MSI2: variants seen among roughly 807,000 people sequenced by gnomAD.
MSI2 encodes RNA-binding protein Musashi homolog 2.
Under a neutral mutation model 45.6 loss-of-function variants are expected in MSI2, and 17 were observed. The observed-to-expected ratio is 0.37, with a 90% CI of 0.26 to 0.56. MSI2 has a LOEUF of 0.56. Among genes scored for constraint, MSI2 ranks in the 20% least tolerant of loss-of-function variants. MSI2 has a pLI of 0.77. For synonymous variants in MSI2, 156 were observed against 158.2 expected, an observed-to-expected ratio of 0.99 and a Z score of 0.11; for missense variants, 293 against 444.2, an observed-to-expected ratio of 0.66 and a Z score of 3.06.
chr17:57,689,172 G>T (rs1361311227), downstream of MSI2, among the ~76,000 whole-genome samples: 1 of 103,444 alleles, frequency 9.7e-6, no homozygotes, highest in Admixed American at 1.0e-4. Context: ...TGATATGTGG[G>T]TTTTCTCTTT....
intron 6 of MSI2, among the ~76,000 whole-genome samples, chr17:57,493,036 T>C (rs1304405789): frequency 1.3e-5 from 2 of 152,150 alleles, no homozygotes; most frequent in Non-Finnish European, 2.9e-5. Context: ...CTGTAAACTC[T>C]GTGGGTGCTG....
chr17:57,385,040 C>G (rs562624229), intron 5 of MSI2, among the ~76,000 whole-genome samples: 1 of 152,294 alleles, frequency 6.6e-6, no homozygotes, highest in African/African-American at 2.4e-5. Flanking sequence ...TCTCTTAAAT[C>G]TTTTCCCTCT....
chr17:57,290,365 A>G (rs979576887), intron 5 of MSI2, among the ~76,000 whole-genome samples: 1 of 152,190 alleles, frequency 6.6e-6, no homozygotes, highest in African/African-American at 2.4e-5. Context: ...GCTGGAGTGC[A>G]GTGGTGTGAT....
At position 57,570,524 on chromosome 17, in the gene MSI2, G is replaced by T. The variant is rs181523467; in HGVS notation, c.455-26344G>T. Among the ~76,000 whole-genome samples, 192 of 152,278 alleles carry T rather than the reference G, an allele frequency of 1.3e-3. 1 individual carries two copies. Among genetic ancestry groups the T allele is most frequent in the African/African-American group, 4.4e-3 (182 of 41,558 alleles). ...GGGTCTCTTCCAGCAGGTAAAAATG[G>T]ACAGTGCTGGAGACCCAAGTCGAAT... On this transcript the variant is annotated intron_variant, in intron 7 of 13. Transcript: ENST00000284073.
intron 6 of MSI2, among the ~76,000 whole-genome samples, chr17:57,513,475 G>T (rs142233262): frequency 5.3e-5 from 8 of 152,304 alleles, no homozygotes; most frequent in Non-Finnish European, 8.8e-5. Flanking sequence ...CTGGGACCTG[G>T]GTCTAGGTGC....
chr17:57,306,146 C>T (rs1447123016), intron 5 of MSI2, among the ~76,000 whole-genome samples: 2 of 151,906 alleles, frequency 1.3e-5, no homozygotes, highest in Non-Finnish European at 2.9e-5. Context: ...CAACTGGGAG[C>T]CTCTGGGGAC....
At chr17:57,442,139 C>T (rs191281689) in intron 6 of MSI2, among the ~76,000 whole-genome samples, 5 of 151,616 alleles carry the variant, frequency 3.3e-5, no homozygotes, top group East Asian at 2.0e-4. Context: ...CGGGTTCAAG[C>T]GATTCTCCTG....
intron 10 of MSI2, among the ~76,000 whole-genome samples, chr17:57,634,475 AGAG>A (rs1909685913): frequency 3.6e-5 from 5 of 138,040 alleles, no homozygotes; most frequent in Admixed American, 2.9e-4. Context: ...CAAAAAAAAA[AGAG>A]AGAGAGAGAA....
intron 7 of MSI2, among the ~76,000 whole-genome samples, chr17:57,533,532 T>C (rs2086864305): frequency 6.6e-6 from 1 of 152,224 alleles, no homozygotes; most frequent in Admixed American, 6.5e-5. Context: ...GTTTCTGGCC[T>C]TTAGCTTTTT....
At chr17:57,338,256 A>G (rs792406) in intron 5 of MSI2, among the ~76,000 whole-genome samples, 27,528 of 151,886 alleles carry the variant, frequency 0.18, 5,486 homozygotes, top group African/African-American at 0.49. Flanking sequence ...GCCCAGCTAA[A>G]TTTCTGTATT....
chr17:57,263,787 C>G (rs530912146), intron 5 of MSI2: 1 of 152,366 alleles, frequency 6.6e-6, no homozygotes, highest in East Asian at 1.9e-4. Flanking sequence ...GTTTCTCAAA[C>G]TTGTCAAAGT....
chr17:57,521,781 C>T (rs1320963633), intron 6 of MSI2, among the ~76,000 whole-genome samples: 2 of 152,176 alleles, frequency 1.3e-5, no homozygotes, highest in Non-Finnish European at 2.9e-5. Flanking sequence ...GGGCTGCCCA[C>T]TCCAGAGTAC....
intron 6 of MSI2, among the ~76,000 whole-genome samples, chr17:57,523,312 T>C (rs62058094): frequency 0.3 from 45,361 of 152,024 alleles, 6,998 homozygotes; most frequent in African/African-American, 0.36. Flanking sequence ...CCTCCCAAAG[T>C]GTTGGGATTA....
chr17:57,330,726 C>T (rs1252931837), intron 5 of MSI2, among the ~76,000 whole-genome samples: 1 of 152,064 alleles, frequency 6.6e-6, no homozygotes, highest in African/African-American at 2.4e-5. Context: ...AAAAAAAACA[C>T]TTGGGTTTCA....
At chr17:57,675,583 G>A (rs1355160359) in intron 12 of MSI2, among the ~76,000 whole-genome samples, 6 of 152,172 alleles carry the variant, frequency 3.9e-5, no homozygotes, top group Admixed American at 6.5e-5. Context: ...TGGGACCTGA[G>A]AGCTGGGAAA....
intron 5 of MSI2, among the ~76,000 whole-genome samples, chr17:57,366,020 C>G (rs766877151): frequency 2.0e-5 from 3 of 152,096 alleles, no homozygotes; most frequent in Non-Finnish European, 4.4e-5. Flanking sequence ...ATCAAGGGAG[C>G]CTCCCACCTC....
chr17:57,665,583 G>C (rs1240538221), intron 11 of MSI2, among the ~76,000 whole-genome samples: 1 of 152,144 alleles, frequency 6.6e-6, no homozygotes, highest in African/African-American at 2.4e-5. Flanking sequence ...GGCTGCCCCT[G>C]GGATAACTTC....
chr17:57,604,754 T>TG (rs1171345426), intron 8 of MSI2, among the ~76,000 whole-genome samples: 1 of 152,194 alleles, frequency 6.6e-6, no homozygotes, highest in Non-Finnish European at 1.5e-5. Flanking sequence ...AGGAGGGTCC[T>TG]GAGCTGTCCT....
chr17:57,503,759 G>T (rs2086166418), intron 6 of MSI2, among the ~76,000 whole-genome samples: 1 of 151,914 alleles, frequency 6.6e-6, no homozygotes, highest in Admixed American at 6.6e-5. Flanking sequence ...TTGTTTGTTT[G>T]TTTTTGAGAC....
Sources: gnomAD v4.1 joint callset for allele counts (sites outside exome capture counted in the v4.1 genomes callset) on GRCh38, gnomAD v4.1.1 for gene constraint, MANE v1.5 for transcripts, NCBI Gene and HGNC (gene_info 2026-07-23, HGNC 2026-07-21) for gene names.